PCSK2: variants seen among roughly 807,000 people sequenced by gnomAD.
PCSK2 encodes proprotein convertase subtilisin/kexin type 2, also known as neuroendocrine convertase 2.
PCSK2 carries 14 observed loss-of-function variants against 69.7 expected under a neutral mutation model. The ratio of observed to expected loss-of-function variants is 0.20; its 90% CI spans 0.13 to 0.31. The LOEUF (loss-of-function observed/expected upper bound fraction) is 0.31, where lower values mean the gene tolerates loss of function less well. PCSK2 is among the 10% of genes least tolerant of loss of function. PCSK2 has a pLI of 1.00. For synonymous variants in PCSK2, 307 were observed against 320.7 expected (o/e 0.96, Z 0.46); for missense variants, 544 against 842.5 (o/e 0.65, Z 4.39).
At chr20:17,308,972 C>T (rs892957995) in intron 2 of PCSK2, among the ~76,000 whole-genome samples, 3 of 152,090 alleles carry the variant, frequency 2.0e-5, no homozygotes, top group Non-Finnish European at 4.4e-5. Context: ...AAATCAAAGG[C>T]CAGCCCAGAT....
intron 2 of PCSK2, among the ~76,000 whole-genome samples, chr20:17,268,403 C>T (rs1446051572): frequency 6.6e-6 from 1 of 152,012 alleles, no homozygotes; most frequent in South Asian, 2.1e-4. Context: ...AGGGGTGTTT[C>T]TATTTTATAA....
intron 1 of PCSK2, among the ~76,000 whole-genome samples, chr20:17,257,584 A>G (rs1600417067): frequency 6.6e-6 from 1 of 152,334 alleles, no homozygotes; most frequent in South Asian, 2.1e-4. Flanking sequence ...TAGTTAGCCA[A>G]TGACAGGGCA....
upstream of PCSK2, chr20:17,226,851 C>G (rs1372578322): frequency 1.0e-4 from 8 of 79,376 alleles, no homozygotes; most frequent in Non-Finnish European, 1.4e-4. Flanking sequence ...GCGGCCGGGC[C>G]GGGCCGGGCC....
At chr20:17,415,231 A>C (rs1374944077) in intron 6 of PCSK2, among the ~76,000 whole-genome samples, 2 of 152,168 alleles carry the variant, frequency 1.3e-5, no homozygotes, top group Non-Finnish European at 2.9e-5. Context: ...AATAGGAAAA[A>C]AGGAAGTCAA....
At chr20:17,368,275 A>G (rs1301729561) in intron 4 of PCSK2, among the ~76,000 whole-genome samples, 1 of 152,118 alleles carries the variant, frequency 6.6e-6, no homozygotes, top group African/African-American at 2.4e-5. Context: ...CAAGCATACC[A>G]CATGCATTCA....
chr20:17,239,906 T>G lies in PCSK2; in HGVS notation c.177+12424T>G, dbSNP rs142900834. ...GTCTCACTCTGTTGCCAGGCTGGAG[T>G]GCAATGGCGCGATCTCAGCTCACTG... On this transcript the variant is annotated intron_variant, in intron 1 of 11. Coordinates refer to ENST00000262545, the MANE Select transcript of PCSK2 (RefSeq NM_002594.5). Among the ~76,000 whole-genome samples the G allele has an allele frequency of 4.5e-3, 569 of 127,604 alleles. 7 individuals are homozygous for G. The highest frequency in any genetic ancestry group is 0.017 in the African/African-American group (548 of 32,358). The allele number at this position is 127,604 out of a possible 152,430, so 83.7% of individuals were successfully genotyped here. A position where few individuals can be genotyped will look rare whatever the true frequency, so the allele number is the denominator to read the frequency against.
chr20:17,418,689 A>G (rs115868158), intron 6 of PCSK2, among the ~76,000 whole-genome samples: 1,781 of 152,268 alleles, frequency 0.012, 37 homozygotes, highest in African/African-American at 0.041. Context: ...GTTGGCTGGC[A>G]TAGGACCCAG....
chr20:17,413,017 A>G (rs2123309845), intron 6 of PCSK2, among the ~76,000 whole-genome samples: 1 of 152,310 alleles, frequency 6.6e-6, no homozygotes, highest in South Asian at 2.1e-4. Context: ...GCCTTACAAG[A>G]GCTCCTGAAG....
chr20:17,257,147 C>T (rs988239309), intron 1 of PCSK2, among the ~76,000 whole-genome samples: 8 of 152,144 alleles, frequency 5.3e-5, no homozygotes, highest in South Asian at 4.2e-4. Flanking sequence ...AAGATACTTA[C>T]GTGGCCAACA....
intron 10 of PCSK2, among the ~76,000 whole-genome samples, chr20:17,460,226 TAAAAG>T (rs760279195): frequency 3.1e-4 from 40 of 129,496 alleles, no homozygotes; most frequent in South Asian, 1.5e-3. Flanking sequence ...AATAAACAAA[TAAAAG>T]AGAGAGAGAG....
At chr20:17,240,365 G>C (rs190054277) in intron 1 of PCSK2, among the ~76,000 whole-genome samples, 1 of 152,182 alleles carries the variant, frequency 6.6e-6, no homozygotes, top group Non-Finnish European at 1.5e-5. Context: ...AGGGTGAGGA[G>C]GCTGGGATGT....
intron 2 of PCSK2, among the ~76,000 whole-genome samples, chr20:17,295,242 A>ACC (rs1988848143): frequency 6.6e-6 from 1 of 151,460 alleles, no homozygotes; most frequent in Non-Finnish European, 1.5e-5. Flanking sequence ...ACACACACAC[A>ACC]CACCTCTCTC....
intron 5 of PCSK2, among the ~76,000 whole-genome samples, chr20:17,379,205 G>A (rs1211922591): frequency 6.6e-6 from 1 of 152,204 alleles, no homozygotes; most frequent in Non-Finnish European, 1.5e-5. Context: ...CACCCAGGAG[G>A]GGAGTAGTGG....
Position 17,376,195 on chromosome 20 carries a change from A to C in PCSK2, c.543+6918A>C, listed in dbSNP as rs113262019. Reference sequence around the variant, plus strand: ...GGCCTACAGAGCTGCAGTAAGAAGCAGAGCTGCCTAGCTGAGCCCCACCAA... The same window carrying C: ...GGCCTACAGAGCTGCAGTAAGAAGCCGAGCTGCCTAGCTGAGCCCCACCAA... On this transcript the variant is annotated intron_variant, in intron 5 of 11. Coordinates refer to ENST00000262545, the MANE Select transcript of PCSK2 (RefSeq NM_002594.5). 4.4e-3 allele frequency among the ~76,000 whole-genome samples: 672 copies of C among 152,314 alleles called. 5 individuals are homozygous for C. The highest frequency in any genetic ancestry group is 0.015 in the African/African-American group (619 of 41,576).
intron 5 of PCSK2, among the ~76,000 whole-genome samples, chr20:17,369,793 A>G (rs1401372624): frequency 6.6e-6 from 1 of 152,254 alleles, no homozygotes; most frequent in Non-Finnish European, 1.5e-5. Context: ...GAAATGAGCC[A>G]TTTGGGTTCT....
At chr20:17,480,975 C>A (rs573617393) in intron 11 of PCSK2, among the ~76,000 whole-genome samples, 1 of 152,134 alleles carries the variant, frequency 6.6e-6, no homozygotes, top group African/African-American at 2.4e-5. Flanking sequence ...AAGCAGTGGA[C>A]GTGCAAGGGA....
intron 1 of PCSK2, among the ~76,000 whole-genome samples, chr20:17,259,947 T>C (rs1024902897): frequency 6.6e-6 from 1 of 150,830 alleles, no homozygotes; most frequent in African/African-American, 2.4e-5. Flanking sequence ...CAAGGCTCCA[T>C]GGAAAAGGAA....
intron 5 of PCSK2, among the ~76,000 whole-genome samples, chr20:17,395,119 G>C (rs2031480995): frequency 6.6e-6 from 1 of 151,990 alleles, no homozygotes; most frequent in Non-Finnish European, 1.5e-5. Flanking sequence ...ACTTCTTTCT[G>C]TTTATCTCCC....
intron 2 of PCSK2, among the ~76,000 whole-genome samples, chr20:17,329,409 T>C (rs1162920769): frequency 2.6e-5 from 4 of 152,192 alleles, no homozygotes; most frequent in Non-Finnish European, 4.4e-5. Flanking sequence ...TTTAAACTTA[T>C]GAAAATGTTC....
Sources: gnomAD v4.1 joint callset for allele counts (sites outside exome capture counted in the v4.1 genomes callset) on GRCh38, gnomAD v4.1.1 for gene constraint, MANE v1.5 for transcripts, NCBI Gene and HGNC (gene_info 2026-07-23, HGNC 2026-07-21) for gene names.